The following COL24A1 variants were observed in gnomAD, a reference collection of about 807,000 sequenced individuals.
The protein encoded by COL24A1 is collagen type XXIV alpha 1 chain.
In COL24A1, 224 loss-of-function variants were observed where a neutral mutation model predicts 253.9. The ratio of observed to expected loss-of-function variants is 0.88; its 90% CI spans 0.79 to 0.99. The LOEUF is 0.99. COL24A1 is among the 50% of genes least tolerant of loss of function. The probability of loss-of-function intolerance (pLI) is 0.00; values close to 1 mark genes in which losing one functional copy is unlikely to be tolerated. For synonymous variants in COL24A1, 685 were observed against 673.7 expected (o/e 1.02, Z -0.26); for missense variants, 2,131 against 2,068.5 (o/e 1.03, Z -0.59).
Position 85,847,751 on chromosome 1 carries a change from G to A in COL24A1, c.3376C>T (p.Pro1126Ser), listed in dbSNP as rs1677295780. 1.2e-6 allele frequency: 2 copies of A among 1,613,288 alleles called. No individual in the cohort carries two copies. The highest frequency in any genetic ancestry group is 1.7e-6 in the Non-Finnish European group (2 of 1,179,634). ...GKKGDKGQIG[P>S]TGEVGSRGPP... ...CCTCTGCTTCCAACTTCTCCTGTGG[G>A]TCCTATTTGTCCTTTATCACCCTGT... Residue 1126 changes from proline (P) to serine (S), a missense_variant, in exon 39 of 60, where the codon CCC (proline) becomes TCC (serine). Transcript: ENST00000370571.
At chr1:85,854,949 G>A (rs1325869363) in intron 37 of COL24A1, among the ~76,000 whole-genome samples, 1 of 152,048 alleles carries the variant, frequency 6.6e-6, no homozygotes, top group Non-Finnish European at 1.5e-5. Flanking sequence ...TGTTCCACCT[G>A]CCTCGGCCTC....
intron 7 of COL24A1, among the ~76,000 whole-genome samples, chr1:86,065,330 T>C (rs1466464415): frequency 1.3e-5 from 2 of 152,232 alleles, no homozygotes; most frequent in Non-Finnish European, 2.9e-5. Flanking sequence ...CCCTAGCCTA[T>C]AATGAAACAA....
intron 29 of COL24A1, 121 bp downstream of exon 29, chr1:85,896,235 T>G (rs1402858789): frequency 1.7e-6 from 2 of 1,210,298 alleles, no homozygotes; most frequent in Admixed American, 2.2e-5. Flanking sequence ...GTTTCATACT[T>G]AGACAAAGAG....
chr1:86,068,218 C>T (rs1701631395), intron 7 of COL24A1, among the ~76,000 whole-genome samples: 1 of 152,158 alleles, frequency 6.6e-6, no homozygotes, highest in Non-Finnish European at 1.5e-5. Flanking sequence ...AATCACAGTA[C>T]CTGGTTTTAA....
intron 1 of COL24A1, among the ~76,000 whole-genome samples, chr1:86,149,480 C>G (rs1041505567): frequency 6.6e-6 from 1 of 152,148 alleles, no homozygotes; most frequent in East Asian, 1.9e-4. Context: ...AAACTGCTTA[C>G]TTAGGATTAC....
chr1:85,976,198 G>A (rs1692663556), intron 20 of COL24A1, among the ~76,000 whole-genome samples: 1 of 152,198 alleles, frequency 6.6e-6, no homozygotes, highest in Non-Finnish European at 1.5e-5. Context: ...AGGGAGGGGC[G>A]AGGCCTGAAA....
At chr1:85,958,255 T>C (rs544774082) in intron 24 of COL24A1, among the ~76,000 whole-genome samples, 2 of 152,226 alleles carry the variant, frequency 1.3e-5, no homozygotes, top group East Asian at 3.9e-4. Context: ...TCCCCACCCC[T>C]TCCCTGGCTA....
At chr1:85,847,812 A>T (rs1415665046) in intron 38 of COL24A1, 40 bp from the exon 39 acceptor site, 1 of 1,314,258 alleles carries the variant, frequency 7.6e-7, no homozygotes, top group African/African-American at 1.5e-5. Flanking sequence ...CAAGAAAAAA[A>T]TTTATACTTA....
At chr1:86,065,591 A>C (rs1701410244) in intron 7 of COL24A1, among the ~76,000 whole-genome samples, 1 of 152,140 alleles carries the variant, frequency 6.6e-6, no homozygotes, top group Admixed American at 6.5e-5. Flanking sequence ...AATATAAGTC[A>C]GGCCAGTAGC....
At chr1:85,766,831 C>T (rs867451216) in intron 53 of COL24A1, among the ~76,000 whole-genome samples, 3 of 152,102 alleles carry the variant, frequency 2.0e-5, no homozygotes, top group Admixed American at 6.5e-5. Context: ...TGAGGCCCAG[C>T]GTGATGGCTC....
intron 56 of COL24A1, 107 bp from the exon 57 acceptor site, chr1:85,744,941 G>C (rs1293985507): frequency 1.2e-5 from 9 of 773,506 alleles, no homozygotes; most frequent in Non-Finnish European, 1.9e-5. Context: ...GTTGTGAGTA[G>C]AATGTAAAGA....
intron 52 of COL24A1, among the ~76,000 whole-genome samples, chr1:85,777,093 G>A (rs1668622947): frequency 6.6e-6 from 1 of 151,850 alleles, no homozygotes; most frequent in Non-Finnish European, 1.5e-5. Flanking sequence ...GGGACTACAG[G>A]AGCATACCAC....
intron 2 of COL24A1, among the ~76,000 whole-genome samples, chr1:86,131,121 C>T (rs900161722): frequency 6.6e-6 from 1 of 151,904 alleles, no homozygotes; most frequent in African/African-American, 2.4e-5. Context: ...AATCTGAAGT[C>T]AGCTAAATAT....
intron 43 of COL24A1, among the ~76,000 whole-genome samples, chr1:85,832,981 G>C (rs963385450): frequency 6.6e-5 from 10 of 151,736 alleles, no homozygotes; most frequent in Non-Finnish European, 1.2e-4. Flanking sequence ...GGAGTGGTGA[G>C]AGAGGGCATC....
intron 20 of COL24A1, among the ~76,000 whole-genome samples, chr1:85,979,830 A>T (rs975256532): frequency 2.0e-5 from 3 of 152,308 alleles, no homozygotes; most frequent in African/African-American, 7.2e-5. Context: ...TCCCTAAATC[A>T]TTCCATAAAG....
intron 19 of COL24A1, among the ~76,000 whole-genome samples, chr1:86,010,904 C>T (rs1487571868): frequency 6.6e-6 from 1 of 151,984 alleles, no homozygotes; most frequent in Non-Finnish European, 1.5e-5. Flanking sequence ...TACATCTGCC[C>T]CTTAAACAAG....
At chr1:85,804,846 G>GCAAATACT (rs1413723473) in intron 47 of COL24A1, among the ~76,000 whole-genome samples, 2 of 151,922 alleles carry the variant, frequency 1.3e-5, no homozygotes, top group Admixed American at 1.3e-4. Context: ...ATTTCAGATG[G>GCAAATACT]CAAATACTCT....
At chr1:86,105,032 G>A (rs930737217) in intron 5 of COL24A1, among the ~76,000 whole-genome samples, 1 of 152,192 alleles carries the variant, frequency 6.6e-6, no homozygotes, top group Non-Finnish European at 1.5e-5. Flanking sequence ...TGTGCCCTCC[G>A]TACATGTTCA....
At chr1:85,744,025 AT>A (rs1194004157) in intron 57 of COL24A1, among the ~76,000 whole-genome samples, 1 of 151,124 alleles carries the variant, frequency 6.6e-6, no homozygotes, top group Non-Finnish European at 1.5e-5. Context: ...CAAATCATAC[AT>A]TTTTTTTTCA....
Sources: gnomAD v4.1 joint callset for allele counts (sites outside exome capture counted in the v4.1 genomes callset) on GRCh38, gnomAD v4.1.1 for gene constraint, MANE v1.5 for transcripts, NCBI Gene and HGNC (gene_info 2026-07-23, HGNC 2026-07-21) for gene names.